MTHFD2L: variants seen among roughly 807,000 people sequenced by gnomAD.
The protein encoded by MTHFD2L is bifunctional methylenetetrahydrofolate dehydrogenase/cyclohydrolase 2, mitochondrial.
A neutral mutation model predicts 34.9 loss-of-function variants in MTHFD2L; 29 were observed. The ratio of observed to expected loss-of-function variants is 0.83; its 90% CI spans 0.62 to 1.13. The LOEUF (loss-of-function observed/expected upper bound fraction) is 1.13. Ranked by LOEUF, MTHFD2L falls within the 50% of genes most tolerant of loss-of-function variation. MTHFD2L has a pLI of 0.00. For missense variants in MTHFD2L, 481 were observed against 446.5 expected (o/e 1.08, Z -0.70); for synonymous variants, 167 against 155.7 (o/e 1.07, Z -0.54).
chr4:74,217,381 G>C (rs1737374339), intron 5 of MTHFD2L, among the ~76,000 whole-genome samples: 1 of 151,874 alleles, frequency 6.6e-6, no homozygotes, highest in African/African-American at 2.4e-5. Flanking sequence ...GTAGCTTGCA[G>C]AGATAAAGAA....
chr4:74,164,622 T>G (rs1169356818), intron 1 of MTHFD2L, among the ~76,000 whole-genome samples: 2 of 152,246 alleles, frequency 1.3e-5, no homozygotes, highest in Non-Finnish European at 2.9e-5. Flanking sequence ...TCCTCTTATG[T>G]AATGTAAGGT....
intron 6 of MTHFD2L, among the ~76,000 whole-genome samples, chr4:74,248,280 A>C (rs1043592499): frequency 6.6e-6 from 1 of 152,196 alleles, no homozygotes; most frequent in Non-Finnish European, 1.5e-5. Context: ...AGGTGTTTGT[A>C]GTATTCTCTG....
chr4:74,287,300 G>T (rs1748304640), intron 7 of MTHFD2L, among the ~76,000 whole-genome samples: 1 of 152,138 alleles, frequency 6.6e-6, no homozygotes, highest in African/African-American at 2.4e-5. Context: ...TGAAATTCTG[G>T]TTTGTGGTTA....
rs1338758639 is a variant in MTHFD2L at position 74,225,411 on chromosome 4, T to G, written c.805+17T>G. On this transcript the variant is annotated intron_variant, in intron 6 of 7. Coordinates refer to ENST00000325278, the MANE Select transcript of MTHFD2L (RefSeq NM_001144978.3). ...TTGCTGCAGGTAAGTCCTTAGTGAC[T>G]GTTATTTTTTGGAATGTCATCAGCA... 6.9e-6 allele frequency: 11 copies of G among 1,594,898 alleles called. No individual in the cohort carries two copies. In the African/African-American group the frequency reaches 1.5e-4, roughly 21 times the overall value.
chr4:74,214,335 A>T (rs1378889132), intron 5 of MTHFD2L, among the ~76,000 whole-genome samples: 1 of 151,616 alleles, frequency 6.6e-6, no homozygotes, highest in Non-Finnish European at 1.5e-5. Context: ...GTTTTTCCTC[A>T]TCTTCGTGGA....
chr4:74,119,225 C>T (rs1721708265), upstream of MTHFD2L, among the ~76,000 whole-genome samples: 1 of 152,188 alleles, frequency 6.6e-6, no homozygotes, highest in Admixed American at 6.5e-5. Context: ...TGTACAGCTG[C>T]ATCTGGTGGC....
In MTHFD2L at chr4:74,249,705, G is replaced by C. The variant is rs1246774579; in HGVS notation, c.805+24311G>C. On this transcript the variant is annotated intron_variant, in intron 6 of 7. Transcript: ENST00000325278. The stretch of plus-strand genomic sequence containing the variant: ...TGACAAAATCTCTCAGCACTTGCTT[G>C]TCTGTAAAGTATTTTATTTCTCCTT... Among the ~76,000 whole-genome samples, 6 of 152,070 alleles carry C rather than the reference G, an allele frequency of 3.9e-5. 1 individual carries two copies. The highest frequency in any genetic ancestry group is 1.2e-4 in the African/African-American group (5 of 41,410).
At chr4:74,201,411 TCTTA>T (rs751202490) in intron 5 of MTHFD2L, 41 bp downstream of exon 5, 17 of 1,392,022 alleles carry the variant, frequency 1.2e-5, no homozygotes, top group African/African-American at 1.0e-4. Context: ...CTCGCAGTAT[TCTTA>T]CTTCTTACAT....
At chr4:74,244,920 T>C (rs1028517567) in intron 6 of MTHFD2L, among the ~76,000 whole-genome samples, 13 of 152,014 alleles carry the variant, frequency 8.6e-5, no homozygotes, top group African/African-American at 3.1e-4. Context: ...GTTGGCCGGG[T>C]GCAGTGGCTC....
At chr4:74,291,587 T>A (rs16850857) in intron 7 of MTHFD2L, among the ~76,000 whole-genome samples, 3,319 of 152,318 alleles carry the variant, frequency 0.022, 133 homozygotes, top group African/African-American at 0.076. Context: ...TGCTTCATAC[T>A]AGGCACTATT....
rs567082409 is a variant in MTHFD2L at position 74,158,150 on chromosome 4, G to T, written c.12G>T (p.Pro4=). MTV[P]VRGFSLLRGR... is the part of the protein sequence containing the mutation. ...GGGGATCCGCGGCCATGACGGTGCC[G>T]GTCCGCGGCTTCTCGCTGCTCCGCG... Residue 4 remains proline (P), a synonymous_variant, in exon 1 of 8, where the codon CCG becomes CCT. Transcript: ENST00000325278. The T allele has an allele frequency of 8.5e-6, 13 of 1,530,386 alleles. No individual in the cohort carries two copies. The highest frequency in any genetic ancestry group is 1.1e-5 in the Non-Finnish European group (12 of 1,140,472). The allele number at this position is 1,530,386 out of a possible 1,614,324, so 94.8% of individuals were successfully genotyped here. A position where few individuals can be genotyped will look rare whatever the true frequency, so the allele number is the denominator to read the frequency against.
chr4:74,225,158 A>G, intron 5 of MTHFD2L, 144 bp from the exon 6 acceptor site: 2 of 643,330 alleles, frequency 3.1e-6, no homozygotes, highest in East Asian at 2.9e-5. Flanking sequence ...GTTTTCTTGT[A>G]TAGCTTTTGT....
intron 6 of MTHFD2L, among the ~76,000 whole-genome samples, chr4:74,245,676 G>A (rs1742331163): frequency 2.0e-5 from 3 of 151,350 alleles, no homozygotes; most frequent in Non-Finnish European, 4.4e-5. Context: ...CCCTTCCTGT[G>A]TCCATGTGTT....
chr4:74,130,140 C>T (rs1269311526), intron 1 of MTHFD2L, among the ~76,000 whole-genome samples: 4 of 152,010 alleles, frequency 2.6e-5, no homozygotes, highest in East Asian at 3.9e-4. Context: ...AATTCACAGC[C>T]GAATTCTACC....
intron 1 of MTHFD2L, chr4:74,140,503 T>C (rs1723213508): frequency 1.1e-6 from 1 of 891,078 alleles, no homozygotes; most frequent in South Asian, 5.2e-5. Flanking sequence ...ATTTTCTCAA[T>C]TATATATTTT....
upstream of MTHFD2L, among the ~76,000 whole-genome samples, chr4:74,153,436 T>C (rs529894841): frequency 1.3e-3 from 204 of 152,340 alleles, no homozygotes; most frequent in African/African-American, 4.5e-3. Flanking sequence ...AAAATTTTCA[T>C]TGGAACACTT....
intron 6 of MTHFD2L, among the ~76,000 whole-genome samples, chr4:74,251,445 A>G (rs1482468575): frequency 6.6e-6 from 1 of 152,242 alleles, no homozygotes; most frequent in African/African-American, 2.4e-5. Context: ...GTTGTCTTCA[A>G]CATACATCCT....
intron 1 of MTHFD2L, among the ~76,000 whole-genome samples, chr4:74,165,981 TAA>T (rs1384551464): frequency 6.6e-6 from 1 of 152,238 alleles, no homozygotes; most frequent in Non-Finnish European, 1.5e-5. Flanking sequence ...AGGGGAAAAT[TAA>T]AGTTTTTCTC....
At chr4:74,290,031 T>C (rs1748679588) in intron 7 of MTHFD2L, among the ~76,000 whole-genome samples, 1 of 152,218 alleles carries the variant, frequency 6.6e-6, no homozygotes, top group Admixed American at 6.5e-5. Context: ...CAACATGGGC[T>C]GTTGAAAGAA....
Sources: gnomAD v4.1 joint callset for allele counts (sites outside exome capture counted in the v4.1 genomes callset) on GRCh38, gnomAD v4.1.1 for gene constraint, MANE v1.5 for transcripts, NCBI Gene and HGNC (gene_info 2026-07-23, HGNC 2026-07-21) for gene names.